The following PRKAR1B variants were observed in gnomAD, a reference collection of about 807,000 sequenced individuals.
PRKAR1B encodes cAMP-dependent protein kinase type I-beta regulatory subunit.
In PRKAR1B, 22 loss-of-function variants were observed where a neutral mutation model predicts 46.5. The ratio of observed to expected loss-of-function variants is 0.47; its 90% confidence interval spans 0.34 to 0.68. The LOEUF (loss-of-function observed/expected upper bound fraction) is 0.68, where lower values mean the gene tolerates loss of function less well. Ranked by LOEUF, PRKAR1B falls within the 30% of genes least tolerant of loss-of-function variation. PRKAR1B has a pLI of 0.01. For synonymous variants in PRKAR1B, 259 were observed against 217.7 expected, an observed-to-expected ratio of 1.19 and a Z score of -1.67; for missense variants, 445 against 535.6, an observed-to-expected ratio of 0.83 and a Z score of 1.67.
intron 7 of PRKAR1B, among the ~76,000 whole-genome samples, chr7:588,822 G>A (rs1158255523): frequency 0.02 from 1,027 of 50,546 alleles, 1 homozygote; most frequent in Admixed American, 0.031. Context: ...CACGATGATG[G>A]TGGTGATGGT....
chr7:638,595 C>T (rs1784242255), intron 4 of PRKAR1B, among the ~76,000 whole-genome samples: 1 of 152,114 alleles, frequency 6.6e-6, no homozygotes, highest in Non-Finnish European at 1.5e-5. Flanking sequence ...TTGTCTTCCT[C>T]GTAATGACAT....
intron 4 of PRKAR1B, among the ~76,000 whole-genome samples, chr7:634,383 C>G (rs1052936024): frequency 6.6e-6 from 1 of 151,906 alleles, no homozygotes. Context: ...GAGGCTAAGG[C>G]GGGAGGATCA....
chr7:709,005 G>C (rs71518340), intron 2 of PRKAR1B, among the ~76,000 whole-genome samples: 117,294 of 149,732 alleles, frequency 0.78, 46,017 homozygotes, highest in South Asian at 0.87. Context: ...GTTGGTCAAG[G>C]TGGTCTCAAA....
chr7:550,335 CCA>C lies in PRKAR1B; in HGVS notation c.*93_*94del. 2 of 1,223,636 alleles carry C rather than the reference CCA, an allele frequency of 1.6e-6. No homozygotes were observed. Among genetic ancestry groups the C allele is most frequent in the Non-Finnish European group, 2.3e-6 (2 of 862,500 alleles). 75.8% of individuals were successfully genotyped at this position (1,223,636 alleles called of 1,614,324 possible). A position where few individuals can be genotyped will look rare whatever the true frequency, so the allele number is the denominator to read the frequency against. On this transcript the variant is annotated 3_prime_UTR_variant, in exon 11 of 11. Coordinates refer to ENST00000537384, the MANE Select transcript of PRKAR1B (RefSeq NM_001164760.2). Reference sequence around the variant, plus strand: ...CTGCCGGGACCCAGCCCCACCCGGCCCACACCTCACACAGCGGCTCCCGGGCC... The same window carrying C: ...CTGCCGGGACCCAGCCCCACCCGGCCCACCTCACACAGCGGCTCCCGGGCC...
chr7:555,235 G>A (rs1778352962), intron 9 of PRKAR1B, among the ~76,000 whole-genome samples: 2 of 152,178 alleles, frequency 1.3e-5, no homozygotes, highest in South Asian at 4.1e-4. Context: ...CTGAGGATTG[G>A]GATTCTGCCG....
At chr7:572,716 C>T (rs1020434191) in intron 9 of PRKAR1B, among the ~76,000 whole-genome samples, 1 of 152,156 alleles carries the variant, frequency 6.6e-6, no homozygotes, top group Non-Finnish European at 1.5e-5. Flanking sequence ...CCTGGAGAGC[C>T]GAGGGGAGCA....
In PRKAR1B at chr7:695,726, T is replaced by C. The variant is rs953037438; in HGVS notation, c.178-15000A>G. Among the ~76,000 whole-genome samples, 7 of 151,876 alleles carry C rather than the reference T, an allele frequency of 4.6e-5. No homozygotes were observed. In the South Asian group the frequency reaches 8.3e-4, roughly 18 times the overall value. The stretch of plus-strand genomic sequence containing the variant: ...TCGCCCAGGCTGGAGTGTAGTGGCG[T>C]GATCTCAGCTCACTGCAAGCTCCGC... On this transcript the variant is annotated intron_variant, in intron 2 of 10. Transcript: ENST00000537384.
chr7:591,505 T>C (rs1780977210), intron 7 of PRKAR1B, among the ~76,000 whole-genome samples: 1 of 152,124 alleles, frequency 6.6e-6, no homozygotes, highest in African/African-American at 2.4e-5. Context: ...CGGCCTCAGC[T>C]CTGCCCCATC....
At chr7:691,475 G>A (rs1487501695) in intron 2 of PRKAR1B, 13 of 1,302,942 alleles carry the variant, frequency 1.0e-5, no homozygotes, top group Admixed American at 2.3e-5. Flanking sequence ...GAAGATGCAG[G>A]CAGGGCCCCC....
chr7:583,201 C>T (rs966761157), intron 8 of PRKAR1B, among the ~76,000 whole-genome samples: 11 of 152,090 alleles, frequency 7.2e-5, no homozygotes, highest in South Asian at 2.1e-4. Flanking sequence ...TCAAAACGGT[C>T]GGCGTGCTGT....
At chr7:578,569 G>A (rs1779991217) in intron 9 of PRKAR1B, among the ~76,000 whole-genome samples, 1 of 152,186 alleles carries the variant, frequency 6.6e-6, no homozygotes, top group Non-Finnish European at 1.5e-5. Flanking sequence ...TACACACAGT[G>A]CCACGCCATG....
chr7:670,847 G>A (rs542380970), intron 4 of PRKAR1B, among the ~76,000 whole-genome samples: 1 of 151,792 alleles, frequency 6.6e-6, no homozygotes, highest in Admixed American at 6.6e-5. Context: ...GCTCCGGACC[G>A]AGGACAGCCT....
chr7:594,281 AG>A (rs1781143372), intron 7 of PRKAR1B, among the ~76,000 whole-genome samples: 1 of 152,076 alleles, frequency 6.6e-6, no homozygotes, highest in African/African-American at 2.4e-5. Context: ...CATGGAGTGG[AG>A]GGAACCATCC....
At chr7:677,716 C>T (rs550487015) in intron 3 of PRKAR1B, among the ~76,000 whole-genome samples, 8 of 152,232 alleles carry the variant, frequency 5.3e-5, no homozygotes, top group Admixed American at 3.9e-4. Flanking sequence ...TGTGAGCCAC[C>T]GCACCCAGCC....
At chr7:621,409 T>A (rs1464424054) in intron 4 of PRKAR1B, among the ~76,000 whole-genome samples, 1 of 152,228 alleles carries the variant, frequency 6.6e-6, no homozygotes, top group Non-Finnish European at 1.5e-5. Flanking sequence ...AAAATCCAAA[T>A]TGTTGGCTTT....
chr7:673,484 C>A (rs1381493897), intron 4 of PRKAR1B, among the ~76,000 whole-genome samples: 2 of 151,732 alleles, frequency 1.3e-5, no homozygotes, highest in Admixed American at 6.6e-5. Context: ...CCCATCTCTA[C>A]TAAAAATACA....
At chr7:665,397 C>T (rs1460696468) in intron 4 of PRKAR1B, among the ~76,000 whole-genome samples, 2 of 152,110 alleles carry the variant, frequency 1.3e-5, no homozygotes, top group Non-Finnish European at 2.9e-5. Flanking sequence ...TCGGGGGCCA[C>T]GGGGGAGCTC....
chr7:665,027 C>T (rs903631044), intron 4 of PRKAR1B, among the ~76,000 whole-genome samples: 1 of 152,228 alleles, frequency 6.6e-6, no homozygotes, highest in Non-Finnish European at 1.5e-5. Context: ...GTTCTTCTCT[C>T]CACTCACAAA....
intron 4 of PRKAR1B, among the ~76,000 whole-genome samples, chr7:659,374 T>C (rs181003015): frequency 6.6e-6 from 1 of 152,270 alleles, no homozygotes; most frequent in Non-Finnish European, 1.5e-5. Context: ...TGAGTGAGTA[T>C]AGCTTCCATC....
Sources: allele counts gnomAD v4.1 joint callset (sites outside exome capture counted in the v4.1 genomes callset), GRCh38; gene constraint gnomAD v4.1.1; transcripts MANE v1.5; gene names NCBI Gene and HGNC (gene_info 2026-07-23, HGNC 2026-07-21).